The following SH3RF3 variants were observed in gnomAD, a reference collection of about 807,000 sequenced individuals.
SH3RF3 encodes the protein SH3 domain containing ring finger 3.
SH3RF3 carries 29 observed loss-of-function variants against 66.3 expected under a neutral mutation model. The observed-to-expected ratio is 0.44, with a 90% CI of 0.33 to 0.60. The LOEUF is 0.60. Among genes scored for constraint, SH3RF3 ranks in the 20% least tolerant of loss-of-function variants. The probability of loss-of-function intolerance (pLI) is 0.04; values close to 1 mark genes in which losing one functional copy is unlikely to be tolerated. For missense variants in SH3RF3, 1,194 were observed against 1,190.9 expected (o/e 1.00, Z -0.04); for synonymous variants, 583 against 532.0 (o/e 1.10, Z -1.32).
At chr2:109,382,519 C>T (rs913751577) in intron 3 of SH3RF3, among the ~76,000 whole-genome samples, 1 of 152,182 alleles carries the variant, frequency 6.6e-6, no homozygotes, top group East Asian at 1.9e-4. Flanking sequence ...CATGCCCTTC[C>T]GTCTTGCAGC....
intron 8 of SH3RF3, among the ~76,000 whole-genome samples, chr2:109,473,734 A>T (rs1475265986): frequency 3.8e-5 from 1 of 26,422 alleles, no homozygotes; most frequent in African/African-American, 1.5e-4. Flanking sequence ...CACCCCACCC[A>T]CTCCTGCCTG....
At chr2:109,240,449 C>T (rs1679750861) in intron 1 of SH3RF3, among the ~76,000 whole-genome samples, 1 of 152,166 alleles carries the variant, frequency 6.6e-6, no homozygotes. Flanking sequence ...GATCGCACCT[C>T]TGCACTCCAG....
At chr2:109,278,368 G>A (rs1432682058) in intron 1 of SH3RF3, among the ~76,000 whole-genome samples, 1 of 152,154 alleles carries the variant, frequency 6.6e-6, no homozygotes. Context: ...AGTGGGGCTT[G>A]CCAGTCTGCA....
In SH3RF3 at chr2:109,504,030, G is replaced by A. The variant is rs1298849791; in HGVS notation, c.*2359G>A. On this transcript the variant is annotated 3_prime_UTR_variant, in exon 10 of 10. Coordinates refer to ENST00000309415, the MANE Select transcript of SH3RF3 (RefSeq NM_001099289.3). Reference sequence around the variant, plus strand: ...AGAGCTCTGGAGCCAATGCCGGGCTGCCTGAGAGCAGAGGAAATGCATGGC... The same window carrying A: ...AGAGCTCTGGAGCCAATGCCGGGCTACCTGAGAGCAGAGGAAATGCATGGC... The A allele has an allele frequency of 6.6e-6, 1 of 152,234 alleles. No homozygotes were observed. Among genetic ancestry groups the A allele is most frequent in the Non-Finnish European group, 1.5e-5 (1 of 68,052 alleles). 9.4% of individuals were successfully genotyped at this position (152,234 alleles called of 1,614,324 possible).
chr2:109,211,512 C>T (rs1678976779), intron 1 of SH3RF3, among the ~76,000 whole-genome samples: 1 of 152,178 alleles, frequency 6.6e-6, no homozygotes, highest in South Asian at 2.1e-4. Flanking sequence ...CCCAGTCTTC[C>T]AGGTATCCAG....
At chr2:109,291,716 C>T (rs1028146910) in intron 1 of SH3RF3, among the ~76,000 whole-genome samples, 1 of 152,276 alleles carries the variant, frequency 6.6e-6, no homozygotes, top group African/African-American at 2.4e-5. Context: ...TCTTTGTCTC[C>T]CAAGCCAGGC....
intron 8 of SH3RF3, among the ~76,000 whole-genome samples, chr2:109,456,249 T>A (rs1678054125): frequency 6.6e-6 from 1 of 152,142 alleles, no homozygotes; most frequent in Non-Finnish European, 1.5e-5. Flanking sequence ...GGTCGCAGAG[T>A]CAGCCCCGTG....
chr2:109,406,554 C>T (rs1387599718), intron 4 of SH3RF3, among the ~76,000 whole-genome samples: 1 of 152,164 alleles, frequency 6.6e-6, no homozygotes, highest in Non-Finnish European at 1.5e-5. Flanking sequence ...CAACAAACAC[C>T]AGGCTGAGTC....
chr2:109,443,417 A>T (rs760595607), intron 7 of SH3RF3, among the ~76,000 whole-genome samples: 5 of 152,246 alleles, frequency 3.3e-5, no homozygotes, highest in African/African-American at 1.2e-4. Flanking sequence ...TCAGCTGGGA[A>T]TATGAGTGTC....
At chr2:109,324,260 C>T (rs914667466) in intron 1 of SH3RF3, among the ~76,000 whole-genome samples, 2 of 152,130 alleles carry the variant, frequency 1.3e-5, no homozygotes, top group African/African-American at 2.4e-5. Context: ...CAGGTAGTGC[C>T]CTGTGACTAT....
chr2:109,439,367 T>A (rs1677499668), intron 7 of SH3RF3, among the ~76,000 whole-genome samples: 1 of 152,176 alleles, frequency 6.6e-6, no homozygotes, highest in Admixed American at 6.5e-5. Context: ...CTGAGCCATA[T>A]CAGTAAATTA....
At chr2:109,267,709 C>G (rs1558991803) in intron 1 of SH3RF3, among the ~76,000 whole-genome samples, 1 of 152,216 alleles carries the variant, frequency 6.6e-6, no homozygotes, top group African/African-American at 2.4e-5. Context: ...CCTTCTTTTA[C>G]TCTCCCTTCC....
In SH3RF3 at chr2:109,149,907, C is replaced by A. The variant is rs376535497; in HGVS notation, c.573+19794C>A. 2.0e-5 allele frequency among the ~76,000 whole-genome samples: 3 copies of A among 152,322 alleles called. No individual in the cohort carries two copies. The South Asian group carries it at 6.2e-4, about 32-fold the overall frequency. On this transcript the variant is annotated intron_variant, in intron 1 of 9. Coordinates refer to ENST00000309415, the MANE Select transcript of SH3RF3 (RefSeq NM_001099289.3). ...TTTTGTCCCAGTGGAAGGTTGAAAT[C>A]ACTTTTTAATTGCAGCTGTGTTCTT... is the stretch of plus-strand genomic sequence containing the variant.
intron 7 of SH3RF3, 28 bp downstream of exon 7, chr2:109,437,174 G>A (rs1269949370): frequency 1.3e-6 from 2 of 1,585,164 alleles, no homozygotes; most frequent in Non-Finnish European, 8.6e-7. Flanking sequence ...TCACCCTGCA[G>A]GGCATCAACA....
chr2:109,498,615 G>A (rs547776979), intron 9 of SH3RF3, among the ~76,000 whole-genome samples: 2 of 152,320 alleles, frequency 1.3e-5, no homozygotes, highest in African/African-American at 4.8e-5. Context: ...CCCTCCCAGA[G>A]CTGCTGAAAA....
At chr2:109,432,766 G>T in intron 6 of SH3RF3, 95 bp downstream of exon 6, 1 of 1,458,374 alleles carries the variant, frequency 6.9e-7, no homozygotes, top group Non-Finnish European at 9.1e-7. Flanking sequence ...CTGTCAGCCG[G>T]GCCCAGAAGG....
intron 1 of SH3RF3, among the ~76,000 whole-genome samples, chr2:109,306,930 C>CT (rs1681611745): frequency 6.6e-6 from 1 of 152,204 alleles, no homozygotes. Context: ...GTGTGGATGG[C>CT]TGATGGTGTG....
chr2:109,380,048 A>C (rs1559052188), intron 3 of SH3RF3, among the ~76,000 whole-genome samples: 1 of 152,184 alleles, frequency 6.6e-6, no homozygotes, highest in Non-Finnish European at 1.5e-5. Flanking sequence ...ACAAGACTAC[A>C]TAAGAGGGAG....
At chr2:109,177,033 C>T (rs940926938) in intron 1 of SH3RF3, among the ~76,000 whole-genome samples, 23 of 152,164 alleles carry the variant, frequency 1.5e-4, no homozygotes, top group African/African-American at 5.6e-4. Context: ...TTGTCAGCCA[C>T]CTGCTGTGTG....
Sources: gnomAD v4.1 joint callset for allele counts (sites outside exome capture counted in the v4.1 genomes callset) on GRCh38, gnomAD v4.1.1 for gene constraint, MANE v1.5 for transcripts, NCBI Gene and HGNC (gene_info 2026-07-23, HGNC 2026-07-21) for gene names.